GRAMD1B: variants seen among roughly 807,000 people sequenced by gnomAD.
GRAMD1B encodes GRAM domain containing 1B.
GRAMD1B carries 37 observed loss-of-function variants against 99.7 expected under a neutral mutation model. The ratio of observed to expected loss-of-function variants is 0.37; its 90% CI spans 0.29 to 0.49. The LOEUF is 0.49. Among genes scored for constraint, GRAMD1B ranks in the 20% least tolerant of loss-of-function variants. The probability of loss-of-function intolerance (pLI) is 0.98; values close to 1 mark genes in which losing one functional copy is unlikely to be tolerated. For missense variants in GRAMD1B, 888 were observed against 1,009.2 expected, an observed-to-expected ratio of 0.88 and a Z score of 1.63; for synonymous variants, 427 against 387.6, an observed-to-expected ratio of 1.10 and a Z score of -1.19.
chr11:123,569,628 C>T (rs1947831121), intron 2 of GRAMD1B, among the ~76,000 whole-genome samples: 1 of 152,224 alleles, frequency 6.6e-6, no homozygotes, highest in South Asian at 2.1e-4. Context: ...TGTGGCTCTC[C>T]TCTCTCAGCC....
At chr11:123,416,885 T>C (rs1948249097) in intron 1 of GRAMD1B, among the ~76,000 whole-genome samples, 1 of 152,216 alleles carries the variant, frequency 6.6e-6, no homozygotes, top group Non-Finnish European at 1.5e-5. Context: ...ATGGGCACTA[T>C]TATTATTAAT....
chr11:123,622,520 C>A lies in GRAMD1B; in HGVS notation c.2559C>A (p.Leu853=). The stretch of plus-strand genomic sequence containing the variant: ...CTGTCTTGCAGATGAAGGACTCGCT[C>A]ATCAACCTTCAGAACGGCATCAGGT... ...VMLLDQMKDS[L]INLQNGIRSR... Residue 853 remains leucine (L), a synonymous_variant, in exon 20 of 20, where the codon CTC becomes CTA. Transcript: ENST00000635736. 1 of 1,554,928 alleles carries A rather than the reference C, an allele frequency of 6.4e-7. No individual in the cohort carries two copies.
At chr11:123,549,758 C>T (rs1945431155) in intron 2 of GRAMD1B, among the ~76,000 whole-genome samples, 1 of 152,100 alleles carries the variant, frequency 6.6e-6, no homozygotes, top group East Asian at 1.9e-4. Flanking sequence ...TGGATTGCAG[C>T]ATGTCAGTAA....
chr11:123,451,819 CATTT>C (rs1315028472), intron 1 of GRAMD1B, among the ~76,000 whole-genome samples: 1 of 148,856 alleles, frequency 6.7e-6, no homozygotes, highest in Non-Finnish European at 1.5e-5. Flanking sequence ...ATTATTCATT[CATTT>C]GTTTGACAGC....
chr11:123,613,721 C>A, intron 16 of GRAMD1B, 63 bp downstream of exon 16: 1 of 1,190,994 alleles, frequency 8.4e-7, no homozygotes, highest in Non-Finnish European at 1.2e-6. Context: ...CATGCCCACA[C>A]CAAGGCACAC....
intron 9 of GRAMD1B, among the ~76,000 whole-genome samples, chr11:123,603,814 C>T (rs571384376): frequency 6.6e-6 from 1 of 152,336 alleles, no homozygotes; most frequent in Non-Finnish European, 1.5e-5. Context: ...AGCAGGATCA[C>T]TCTGGTCTTT....
intron 1 of GRAMD1B, among the ~76,000 whole-genome samples, chr11:123,434,489 G>A (rs527851199): frequency 2.6e-5 from 4 of 152,074 alleles, no homozygotes; most frequent in Non-Finnish European, 5.9e-5. Context: ...CCACCAAGTG[G>A]CCTGAGAAGG....
intron 3 of GRAMD1B, 88 bp downstream of exon 3, chr11:123,577,665 G>T (rs1298257305): frequency 1.7e-5 from 17 of 990,148 alleles, no homozygotes; most frequent in Non-Finnish European, 1.7e-5. Context: ...CATCTGCGAG[G>T]GTCCTCACGT....
At chr11:123,385,202 C>T (rs1484901405) in intron 1 of GRAMD1B, among the ~76,000 whole-genome samples, 1 of 152,210 alleles carries the variant, frequency 6.6e-6, no homozygotes, top group Non-Finnish European at 1.5e-5. Context: ...TTCATCTTTA[C>T]ATTTTCCTTC....
chr11:123,537,515 G>A (rs1944089258), intron 2 of GRAMD1B, among the ~76,000 whole-genome samples: 1 of 152,290 alleles, frequency 6.6e-6, no homozygotes, highest in African/African-American at 2.4e-5. Flanking sequence ...GATCTGCTGT[G>A]CTGGTTGCAC....
At chr11:123,461,130 T>C (rs930399072) in intron 1 of GRAMD1B, among the ~76,000 whole-genome samples, 3 of 152,224 alleles carry the variant, frequency 2.0e-5, no homozygotes, top group African/African-American at 7.2e-5. Flanking sequence ...TGAGTCTTAA[T>C]TGAGTTTGGT....
At chr11:123,435,408 T>G in intron 1 of GRAMD1B, 1 of 699,216 alleles carries the variant, frequency 1.4e-6, no homozygotes, top group South Asian at 1.5e-5. Flanking sequence ...TGTTTGTTTG[T>G]TTTTTTACTT....
chr11:123,600,332 G>A (rs1423209376), intron 7 of GRAMD1B, 136 bp from the exon 8 acceptor site: 6 of 590,808 alleles, frequency 1.0e-5, no homozygotes, highest in East Asian at 3.0e-5. Context: ...GCGGATGTAC[G>A]TGATCACAGG....
intron 1 of GRAMD1B, among the ~76,000 whole-genome samples, chr11:123,360,253 T>C (rs1253334233): frequency 6.6e-6 from 1 of 152,224 alleles, no homozygotes; most frequent in Non-Finnish European, 1.5e-5. Context: ...CAACTATGCC[T>C]CCTGCCTTTG....
intron 9 of GRAMD1B, among the ~76,000 whole-genome samples, chr11:123,604,616 G>A (rs895219399): frequency 2.0e-5 from 3 of 152,202 alleles, no homozygotes; most frequent in African/African-American, 7.2e-5. Context: ...GGGCTCAGTC[G>A]AAATAATAGT....
In GRAMD1B at chr11:123,422,281, T is replaced by C. The variant is rs982864813; in HGVS notation, c.-175-58535T>C. ...GGAACATCCCACAGTGTGAATTTCATTGAGGCAAGAGTTCGCACCAAGTGC... is the reference window on the plus strand; with the variant it reads ...GGAACATCCCACAGTGTGAATTTCACTGAGGCAAGAGTTCGCACCAAGTGC... On this transcript the variant is annotated intron_variant, in intron 1 of 20. Transcript: ENST00000638157. Among the ~76,000 whole-genome samples, 63 of 152,338 alleles carry C rather than the reference T, an allele frequency of 4.1e-4. 1 individual carries two copies. Among genetic ancestry groups the C allele is most frequent in the African/African-American group, 1.5e-3 (61 of 41,596 alleles).
chr11:123,535,307 C>T (rs1376494158), intron 2 of GRAMD1B, among the ~76,000 whole-genome samples: 9 of 150,030 alleles, frequency 6.0e-5, no homozygotes, highest in African/African-American at 2.0e-4. Context: ...TTTTTTCCCC[C>T]ATTTTATATG....
At chr11:123,413,948 T>C (rs1026043747) in intron 1 of GRAMD1B, among the ~76,000 whole-genome samples, 2 of 152,150 alleles carry the variant, frequency 1.3e-5, no homozygotes, top group African/African-American at 4.8e-5. Flanking sequence ...TTATTCAAGG[T>C]TGTCTAATGA....
At chr11:123,569,822 G>A (rs550451387) in intron 2 of GRAMD1B, among the ~76,000 whole-genome samples, 6 of 152,338 alleles carry the variant, frequency 3.9e-5, no homozygotes, top group South Asian at 4.1e-4. Context: ...AGTCATCAGC[G>A]TTTACCCCAT....
Sources: gnomAD v4.1 joint callset for allele counts (sites outside exome capture counted in the v4.1 genomes callset) on GRCh38, gnomAD v4.1.1 for gene constraint, MANE v1.5 for transcripts, NCBI Gene and HGNC (gene_info 2026-07-23, HGNC 2026-07-21) for gene names.